KDM4B: variants seen among roughly 807,000 people sequenced by gnomAD.
KDM4B encodes the protein lysine demethylase 4B.
In KDM4B, 32 loss-of-function variants were observed where a neutral mutation model predicts 125.2. That is an observed-to-expected ratio of 0.26 (90% CI 0.19 to 0.34). KDM4B has a LOEUF of 0.34. KDM4B is among the 10% of genes least tolerant of loss of function. KDM4B has a pLI of 1.00. For missense variants in KDM4B, 1,190 were observed against 1,577.7 expected, an observed-to-expected ratio of 0.75 and a Z score of 4.16; for synonymous variants, 721 against 677.9, an observed-to-expected ratio of 1.06 and a Z score of -0.99.
chr19:5,120,917 G>A (rs1019206479), intron 11 of KDM4B, among the ~76,000 whole-genome samples: 16 of 152,194 alleles, frequency 1.1e-4, no homozygotes, highest in African/African-American at 3.9e-4. Flanking sequence ...CTAGTCCTCA[G>A]TTTCCCTCTG....
intron 1 of KDM4B, among the ~76,000 whole-genome samples, chr19:4,969,448 G>C (rs989084825): frequency 3.4e-5 from 5 of 148,230 alleles, no homozygotes; most frequent in African/African-American, 1.2e-4. Flanking sequence ...TTTCGGGCGG[G>C]GGCGGCGGGG....
chr19:5,056,447 C>G lies in KDM4B; in HGVS notation c.626+8778C>G, dbSNP rs527260042. Among the ~76,000 whole-genome samples, 13 of 150,444 alleles carry G rather than the reference C, an allele frequency of 8.6e-5. No individual in the cohort carries two copies. In the East Asian group the frequency reaches 2.1e-3, roughly 25 times the overall value. ...TTGAGATGGAGTCTTGCTCTGTTGC[C>G]TAGGCTGGAGTGCTGTGGTGTAATC... On this transcript the variant is annotated intron_variant, in intron 6 of 22. Coordinates refer to ENST00000159111, the MANE Select transcript of KDM4B (RefSeq NM_015015.3).
chr19:5,002,866 G>C (rs750228905), intron 1 of KDM4B, among the ~76,000 whole-genome samples: 3 of 152,034 alleles, frequency 2.0e-5, no homozygotes, highest in Non-Finnish European at 2.9e-5. Context: ...TGGGAGGATT[G>C]CTTGAGCCCA....
At chr19:5,027,015 G>A (rs1409795569) in intron 2 of KDM4B, among the ~76,000 whole-genome samples, 5 of 152,206 alleles carry the variant, frequency 3.3e-5, no homozygotes, top group Admixed American at 2.6e-4. Context: ...CGGGGCAGCC[G>A]AGGCCTCCTT....
At chr19:4,975,680 C>T (rs919468980) in intron 1 of KDM4B, among the ~76,000 whole-genome samples, 8 of 151,404 alleles carry the variant, frequency 5.3e-5, no homozygotes, top group African/African-American at 1.7e-4. Context: ...GCAACCTCCA[C>T]CTCCCGGATT....
intron 3 of KDM4B, among the ~76,000 whole-genome samples, chr19:5,033,488 G>A (rs2036523054): frequency 6.6e-6 from 1 of 152,178 alleles, no homozygotes; most frequent in African/African-American, 2.4e-5. Context: ...GGTGAGGCAG[G>A]AGGATTGCTT....
intron 6 of KDM4B, among the ~76,000 whole-genome samples, chr19:5,068,572 G>A (rs189011175): frequency 3.4e-4 from 52 of 152,330 alleles, no homozygotes; most frequent in Middle Eastern, 3.4e-3. Flanking sequence ...TTTTTCTTCC[G>A]CCTGTGTCCT....
At chr19:5,077,645 C>T (rs2038159922) in intron 8 of KDM4B, 175 bp downstream of exon 8, 5 of 584,624 alleles carry the variant, frequency 8.6e-6, no homozygotes, top group South Asian at 6.2e-5. Context: ...AGCTCTTCCA[C>T]GGGGAAGCGA....
intron 9 of KDM4B, among the ~76,000 whole-genome samples, chr19:5,095,193 G>A (rs1377607332): frequency 6.6e-6 from 1 of 152,206 alleles, no homozygotes; most frequent in Non-Finnish European, 1.5e-5. Context: ...CTGGTGGCTG[G>A]CATTGTCCTC....
intron 6 of KDM4B, among the ~76,000 whole-genome samples, chr19:5,068,092 CTTT>C (rs60727736): frequency 2.8e-5 from 4 of 141,688 alleles, no homozygotes; most frequent in African/African-American, 5.1e-5. Context: ...CTGCTTTTGC[CTTT>C]TTTTTTTTTT....
intron 9 of KDM4B, among the ~76,000 whole-genome samples, chr19:5,110,291 C>T (rs1386964596): frequency 2.0e-5 from 3 of 152,134 alleles, no homozygotes; most frequent in African/African-American, 4.8e-5. Context: ...AGCAACATAG[C>T]GAGACCCCAT....
intron 1 of KDM4B, among the ~76,000 whole-genome samples, chr19:5,011,342 G>A (rs539655326): frequency 1.3e-5 from 2 of 152,332 alleles, no homozygotes; most frequent in South Asian, 4.1e-4. Flanking sequence ...GCTAACCCAT[G>A]TGTATATGCA....
At chr19:5,065,609 G>T (rs1259665196) in intron 6 of KDM4B, among the ~76,000 whole-genome samples, 1 of 152,200 alleles carries the variant, frequency 6.6e-6, no homozygotes, top group Non-Finnish European at 1.5e-5. Flanking sequence ...CATCCTCTGC[G>T]GTGGACAGAA....
intron 1 of KDM4B, among the ~76,000 whole-genome samples, chr19:5,004,590 G>A (rs1311249776): frequency 6.6e-6 from 1 of 152,222 alleles, no homozygotes; most frequent in Non-Finnish European, 1.5e-5. Flanking sequence ...GTGCATGTGT[G>A]CTGCCGTGCA....
intron 9 of KDM4B, among the ~76,000 whole-genome samples, chr19:5,095,567 T>C (rs1568295413): frequency 6.6e-6 from 1 of 152,234 alleles, no homozygotes; most frequent in South Asian, 2.1e-4. Context: ...TGCTGCACAC[T>C]GAGAGCTGGG....
In KDM4B at chr19:5,115,227, G is replaced by A. The variant is rs1005286160; in HGVS notation, c.1115+4409G>A. Among the ~76,000 whole-genome samples the A allele has an allele frequency of 1.3e-5, 2 of 152,114 alleles. No individual in the cohort carries two copies. Among genetic ancestry groups the A allele is most frequent in the African/African-American group, 2.4e-5 (1 of 41,408 alleles). On this transcript the variant is annotated intron_variant, in intron 10 of 22. Transcript: ENST00000159111. This position sits in a 1 kb window ranked among gnomAD's most constrained non-coding sequence, Gnocchi z 4.2. ...GAGGGCTGCAGGGGGAATGTACCAC[G>A]GGGCCTCAGAAAGACACAGCGGGCA...
rs2036593728 is a variant in KDM4B, at chr19:5,035,645, C to T, written c.141+2614C>T. On this transcript the variant is annotated intron_variant, in intron 3 of 22. Transcript: ENST00000159111. This position sits in a 1 kb window ranked among gnomAD's most constrained non-coding sequence, Gnocchi z 5.3. ...CTGCACTCCCCCCAGGCCAGTTCCC[C>T]CGAGATTCTTGGCACCGGCGTCTTA... Among the ~76,000 whole-genome samples, 1 of 152,146 alleles carries T rather than the reference C, an allele frequency of 6.6e-6. No homozygotes were observed. The highest frequency in any genetic ancestry group is 6.5e-5 in the Admixed American group (1 of 15,288).
intron 9 of KDM4B, among the ~76,000 whole-genome samples, chr19:5,090,833 G>A (rs907723933): frequency 6.6e-6 from 1 of 151,358 alleles, no homozygotes; most frequent in Non-Finnish European, 1.5e-5. Flanking sequence ...AGGCCGATGG[G>A]GCATCTGGGA....
intron 3 of KDM4B, among the ~76,000 whole-genome samples, chr19:5,034,685 T>C (rs530389212): frequency 6.6e-6 from 1 of 152,264 alleles, no homozygotes; most frequent in Admixed American, 6.5e-5. Flanking sequence ...TCCCTGGTTT[T>C]GGTGGATTTT....
Sources: allele counts gnomAD v4.1 joint callset (sites outside exome capture counted in the v4.1 genomes callset), GRCh38; gene constraint gnomAD v4.1.1; non-coding constraint Gnocchi (gnomAD v3.1); transcripts MANE v1.5; gene names NCBI Gene and HGNC (gene_info 2026-07-23, HGNC 2026-07-21).